FRMD4A: variants seen among roughly 807,000 people sequenced by gnomAD.
FRMD4A encodes FERM domain containing 4A.
A neutral mutation model predicts 129.1 loss-of-function variants in FRMD4A; 29 were observed. The observed-to-expected ratio is 0.22, with a 90% CI of 0.17 to 0.31. The LOEUF (loss-of-function observed/expected upper bound fraction) is 0.31, where lower values mean the gene tolerates loss of function less well. FRMD4A is among the 10% of genes least tolerant of loss of function. The pLI is 1.00. For synonymous variants in FRMD4A, 634 were observed against 571.6 expected, an observed-to-expected ratio of 1.11 and a Z score of -1.56; for missense variants, 1,272 against 1,375.8, an observed-to-expected ratio of 0.92 and a Z score of 1.19.
At chr10:14,042,924 CAAAAAAAA>C (rs57492155) in intron 2 of FRMD4A, among the ~76,000 whole-genome samples, 5 of 62,798 alleles carry the variant, frequency 8.0e-5, no homozygotes, top group Non-Finnish European at 1.5e-4. Context: ...GACTCCATCT[CAAAAAAAA>C]AAAAAAAAAA....
chr10:13,895,303 C>A (rs540749283), intron 2 of FRMD4A, among the ~76,000 whole-genome samples: 1 of 152,112 alleles, frequency 6.6e-6, no homozygotes, highest in Admixed American at 6.5e-5. Context: ...GTGTTCTCAT[C>A]GTTTAGCTCC....
At chr10:13,844,966 T>C (rs2094021906) in intron 3 of FRMD4A, among the ~76,000 whole-genome samples, 1 of 152,164 alleles carries the variant, frequency 6.6e-6, no homozygotes, top group African/African-American at 2.4e-5. Context: ...CACTGTCTGG[T>C]TGATAAGGGA....
intron 3 of FRMD4A, among the ~76,000 whole-genome samples, chr10:13,853,847 A>AG (rs2094175222): frequency 6.6e-6 from 1 of 151,488 alleles, no homozygotes; most frequent in Admixed American, 6.6e-5. Flanking sequence ...AAAAAAAAAA[A>AG]AAAAAACCCA....
At position 14,312,636 on chromosome 10, in the gene FRMD4A, T is replaced by C. The variant is rs192860362; in HGVS notation, c.45+17422A>G. ...AGGGATTGATTAAATAAATTATGAG[T>C]CATTCATACAATATAATACTAGGAA... is the stretch of plus-strand genomic sequence containing the variant. On this transcript the variant is annotated intron_variant, in intron 2 of 24. Coordinates refer to ENST00000357447, the MANE Select transcript of FRMD4A (RefSeq NM_018027.5). Among the ~76,000 whole-genome samples, 70 of 152,210 alleles carry C rather than the reference T, an allele frequency of 4.6e-4. 1 individual carries two copies. In the East Asian group the frequency reaches 8.3e-3, roughly 18 times the overall value.
At chr10:14,117,329 G>A (rs1769127304) in intron 2 of FRMD4A, among the ~76,000 whole-genome samples, 1 of 152,206 alleles carries the variant, frequency 6.6e-6, no homozygotes, top group African/African-American at 2.4e-5. Context: ...AACAGCTAAT[G>A]AGGTGGCCCT....
At chr10:14,109,081 G>A (rs1234479175) in intron 2 of FRMD4A, among the ~76,000 whole-genome samples, 1 of 151,918 alleles carries the variant, frequency 6.6e-6, no homozygotes, top group African/African-American at 2.4e-5. Context: ...TACATGAAAG[G>A]CTCTCCAAGG....
chr10:14,160,111 G>C (rs561565692), intron 2 of FRMD4A, among the ~76,000 whole-genome samples: 72 of 152,208 alleles, frequency 4.7e-4, no homozygotes, highest in Non-Finnish European at 8.2e-4. Context: ...TATAAAAACA[G>C]ACACATATAT....
At chr10:14,018,687 A>G (rs1228064689) in intron 2 of FRMD4A, among the ~76,000 whole-genome samples, 1 of 152,136 alleles carries the variant, frequency 6.6e-6, no homozygotes, top group Non-Finnish European at 1.5e-5. Context: ...GTACAAGATT[A>G]TTGCAATTGT....
chr10:14,063,627 C>T (rs1231613909), intron 2 of FRMD4A, among the ~76,000 whole-genome samples: 1 of 151,666 alleles, frequency 6.6e-6, no homozygotes. Context: ...TCTGTTGAAA[C>T]CCACTAGGGT....
At chr10:14,088,400 T>C (rs1336403194) in intron 2 of FRMD4A, among the ~76,000 whole-genome samples, 1 of 151,368 alleles carries the variant, frequency 6.6e-6, no homozygotes, top group Non-Finnish European at 1.5e-5. Flanking sequence ...TGAGCCATGA[T>C]TGTGCCTCTG....
At chr10:14,013,376 C>T (rs1588770194) in intron 2 of FRMD4A, among the ~76,000 whole-genome samples, 2 of 152,116 alleles carry the variant, frequency 1.3e-5, no homozygotes, top group South Asian at 4.2e-4. Flanking sequence ...CTAAGCAGGA[C>T]ATGCACAAGG....
At chr10:13,975,941 C>T (rs1200998346) in intron 2 of FRMD4A, among the ~76,000 whole-genome samples, 5 of 152,168 alleles carry the variant, frequency 3.3e-5, no homozygotes, top group Admixed American at 3.3e-4. Flanking sequence ...TTATTCTTTT[C>T]TCAAGAATTA....
At chr10:13,960,315 C>T (rs1470441769) in intron 2 of FRMD4A, among the ~76,000 whole-genome samples, 2 of 152,164 alleles carry the variant, frequency 1.3e-5, no homozygotes, top group Admixed American at 6.5e-5. Flanking sequence ...TGGAAACAGA[C>T]GCTTTAATTT....
chr10:14,014,884 G>A (rs1327369846), intron 2 of FRMD4A, among the ~76,000 whole-genome samples: 1 of 152,106 alleles, frequency 6.6e-6, no homozygotes, highest in Middle Eastern at 3.2e-3. Context: ...GCTAGGGTGG[G>A]CAGATACATT....
At chr10:14,270,921 G>C (rs1170735728) in intron 2 of FRMD4A, among the ~76,000 whole-genome samples, 1 of 152,088 alleles carries the variant, frequency 6.6e-6, no homozygotes, top group African/African-American at 2.4e-5. Flanking sequence ...CTTGAGACTG[G>C]GTAATTTATA....
intron 2 of FRMD4A, among the ~76,000 whole-genome samples, chr10:14,048,058 A>C (rs1294462239): frequency 6.6e-6 from 1 of 152,200 alleles, no homozygotes; most frequent in Non-Finnish European, 1.5e-5. Context: ...ATCAGTAAGA[A>C]CCCAAGACAA....
At chr10:13,774,291 T>G (rs1264540288) in intron 6 of FRMD4A, among the ~76,000 whole-genome samples, 1 of 152,194 alleles carries the variant, frequency 6.6e-6, no homozygotes, top group Non-Finnish European at 1.5e-5. Flanking sequence ...GGGCGTCTGC[T>G]GTGGCCATGC....
At chr10:14,106,914 G>A (rs1837617322) in intron 2 of FRMD4A, among the ~76,000 whole-genome samples, 1 of 152,076 alleles carries the variant, frequency 6.6e-6, no homozygotes, top group Non-Finnish European at 1.5e-5. Context: ...GTTTATCACA[G>A]CACTATTTAC....
chr10:14,121,805 G>T (rs566830180), intron 2 of FRMD4A, among the ~76,000 whole-genome samples: 1 of 152,126 alleles, frequency 6.6e-6, no homozygotes, highest in Non-Finnish European at 1.5e-5. Flanking sequence ...GGGCCATTCC[G>T]GCTGGCTTTG....
Sources: allele counts gnomAD v4.1 joint callset (sites outside exome capture counted in the v4.1 genomes callset), GRCh38; gene constraint gnomAD v4.1.1; transcripts MANE v1.5; gene names NCBI Gene and HGNC (gene_info 2026-07-23, HGNC 2026-07-21).